UBR3: variants seen among roughly 807,000 people sequenced by gnomAD.
The protein encoded by UBR3 is ubiquitin protein ligase E3 component n-recognin 3, also known as E3 ubiquitin-protein ligase UBR3.
A neutral mutation model predicts 243.2 loss-of-function variants in UBR3; 85 were observed. That is an observed-to-expected ratio of 0.35 (90% CI 0.29 to 0.42). UBR3 has a LOEUF of 0.42. Ranked by LOEUF, UBR3 falls within the 10% of genes least tolerant of loss-of-function variation. The pLI, the probability that UBR3 is intolerant of heterozygous loss-of-function variation, is 1.00. For missense variants in UBR3, 1,686 were observed against 2,300.8 expected (o/e 0.73, Z 5.47); for synonymous variants, 748 against 799.8 (o/e 0.94, Z 1.09).
At chr2:169,953,491 CTTTAACCCAGGAG>C (rs1399450132) in intron 23 of UBR3, among the ~76,000 whole-genome samples, 1 of 152,212 alleles carries the variant, frequency 6.6e-6, no homozygotes, top group Non-Finnish European at 1.5e-5. Context: ...GCTTCAATGT[CTTTAACCCAGGAG>C]TTAATGGAAA....
intron 36 of UBR3, among the ~76,000 whole-genome samples, chr2:170,075,157 G>T: frequency 6.6e-6 from 1 of 151,710 alleles, no homozygotes. Context: ...TCCATTTTTT[G>T]CTGAAATCCT....
At chr2:170,047,673 G>A (rs1441646371) in intron 32 of UBR3, among the ~76,000 whole-genome samples, 2 of 152,200 alleles carry the variant, frequency 1.3e-5, no homozygotes, top group South Asian at 2.1e-4. Context: ...TGCACTTTCT[G>A]TGGTTTTTGT....
intron 31 of UBR3, among the ~76,000 whole-genome samples, chr2:170,036,568 G>A (rs891748408): frequency 4.6e-5 from 7 of 151,980 alleles, no homozygotes; most frequent in African/African-American, 1.7e-4. Context: ...GATTAAAAAT[G>A]GGATCCTAAA....
intron 30 of UBR3, among the ~76,000 whole-genome samples, chr2:170,026,241 AAT>A (rs1329914288): frequency 1.3e-5 from 2 of 152,032 alleles, no homozygotes; most frequent in East Asian, 3.9e-4. Context: ...AATATATGTT[AAT>A]ATGTGTTTGT....
chr2:169,845,516 G>A (rs1252337109), intron 1 of UBR3, among the ~76,000 whole-genome samples: 2 of 145,720 alleles, frequency 1.4e-5, no homozygotes, highest in East Asian at 2.0e-4. Flanking sequence ...CGTCGTCGTC[G>A]TCGTCGTCGT....
chr2:169,828,445 T>A (rs2081817903), intron 1 of UBR3, among the ~76,000 whole-genome samples: 1 of 151,894 alleles, frequency 6.6e-6, no homozygotes, highest in Non-Finnish European at 1.5e-5. Context: ...AGACTTAGGT[T>A]GTGATTTGGA....
In UBR3 at chr2:169,858,712, G is replaced by A. The variant is rs151133025; in HGVS notation, c.546-13524G>A. Among the ~76,000 whole-genome samples, 81 of 152,128 alleles carry A rather than the reference G, an allele frequency of 5.3e-4. No homozygotes were observed. In the East Asian group the frequency reaches 0.013, roughly 24 times the overall value. On this transcript the variant is annotated intron_variant, in intron 1 of 38. Coordinates refer to ENST00000272793, the MANE Select transcript of UBR3 (RefSeq NM_172070.4). ...CCTCCCAGCTTCAAGCGATTCTCCC[G>A]CCTTAGCCTCCTGAGTAGCTGGGAT...
At chr2:170,014,916 T>C (rs1017872226) in intron 29 of UBR3, 3 of 160,498 alleles carry the variant, frequency 1.9e-5, no homozygotes, top group Non-Finnish European at 2.7e-5. Flanking sequence ...GTGGCTGACG[T>C]TGGAGTAAAA....
intron 1 of UBR3, among the ~76,000 whole-genome samples, chr2:169,857,816 A>G (rs939664868): frequency 7.2e-5 from 11 of 152,076 alleles, no homozygotes; most frequent in African/African-American, 2.7e-4. Flanking sequence ...TCATGGCTCA[A>G]TGCAGCGTTG....
chr2:169,945,002 C>T (rs978085451), intron 20 of UBR3, among the ~76,000 whole-genome samples: 1 of 152,116 alleles, frequency 6.6e-6, no homozygotes, highest in Non-Finnish European at 1.5e-5. Context: ...TGCCTCTGCT[C>T]CTCACATCAT....
intron 1 of UBR3, among the ~76,000 whole-genome samples, chr2:169,848,821 A>G (rs1241022901): frequency 4.7e-5 from 7 of 150,024 alleles, no homozygotes; most frequent in Non-Finnish European, 7.4e-5. Flanking sequence ...TCCTGTTTCA[A>G]CCTCCTGAGT....
At chr2:170,039,721 G>A (rs1029241414) in intron 31 of UBR3, among the ~76,000 whole-genome samples, 1 of 152,094 alleles carries the variant, frequency 6.6e-6, no homozygotes, top group Non-Finnish European at 1.5e-5. Flanking sequence ...CACTTCTGGA[G>A]CTTAAGATTT....
intron 26 of UBR3, among the ~76,000 whole-genome samples, chr2:169,996,995 G>A (rs1047336197): frequency 2.6e-5 from 4 of 151,596 alleles, no homozygotes; most frequent in African/African-American, 7.3e-5. Flanking sequence ...CACCATGCCC[G>A]GCCTGCTTTG....
chr2:169,827,691 G>C lies in UBR3; in HGVS notation c.184G>C (p.Glu62Gln). Reference sequence around the variant, plus strand: ...GCTGCTGGAGCGGGTGCTGAGCGCCGAGCGGCCGCTGGCCGCGGCTGCCGG... The same window carrying C: ...GCTGCTGGAGCGGGTGCTGAGCGCCCAGCGGCCGCTGGCCGCGGCTGCCGG... The part of the protein sequence containing the change: ...QALLERVLSA[E>Q]RPLAAAAGGE... The change falls in exon 1 of 39, where the codon GAG (glutamate) becomes CAG (glutamine). Residue 62 changes from glutamate to glutamine, a missense_variant. Physicochemically the swap from Glu to Gln is conservative, Grantham distance 29. This residue lies in a region of UBR3 where 145 missense variants were observed against 243.8 expected (regional missense o/e 0.59). Coordinates refer to ENST00000272793, the MANE Select transcript of UBR3 (RefSeq NM_172070.4). The C allele has an allele frequency of 8.3e-7, 1 of 1,210,810 alleles. No homozygotes were observed. Among genetic ancestry groups the C allele is most frequent in the Non-Finnish European group, 1.0e-6 (1 of 977,874 alleles). The allele number at this position is 1,210,810 out of a possible 1,614,324, so 75.0% of individuals were successfully genotyped here. A position where few individuals can be genotyped will look rare whatever the true frequency, so the allele number is the denominator to read the frequency against.
intron 32 of UBR3, among the ~76,000 whole-genome samples, chr2:170,045,489 C>G (rs1421264667): frequency 6.6e-6 from 1 of 152,068 alleles, no homozygotes; most frequent in Non-Finnish European, 1.5e-5. Flanking sequence ...TACAGACTCC[C>G]AAGATTCTAT....
chr2:169,910,528 C>T (rs975940110), intron 10 of UBR3, among the ~76,000 whole-genome samples: 4 of 152,054 alleles, frequency 2.6e-5, no homozygotes, highest in Non-Finnish European at 5.9e-5. Flanking sequence ...GCTAGAATTA[C>T]AATGCAGTAT....
At chr2:169,993,210 A>G (rs1256466066) in intron 25 of UBR3, among the ~76,000 whole-genome samples, 2 of 152,242 alleles carry the variant, frequency 1.3e-5, no homozygotes, top group South Asian at 2.1e-4. Flanking sequence ...AAAATTGTAC[A>G]TATTTATGGG....
At position 169,875,803 on chromosome 2, in the gene UBR3, C is replaced by CA; in HGVS notation, c.699dup (p.Ser234IlefsTer6). On this transcript the variant is annotated frameshift_variant, in exon 3 of 39. Transcript: ENST00000272793. LOFTEE classifies it high-confidence loss of function. ...TTTTTTCTTTTAGCAGCTGATGGAC[C>CA]ATCAGAAAAGGACCTTAACAAAGTC... 6.6e-7 allele frequency: 1 copy of CA among 1,522,952 alleles called. No homozygotes were observed. Among genetic ancestry groups the CA allele is most frequent in the South Asian group, 1.3e-5 (1 of 77,624 alleles). The allele number at this position is 1,522,952 out of a possible 1,614,324, so 94.3% of individuals were successfully genotyped here. A position where few individuals can be genotyped will look rare whatever the true frequency, so the allele number is the denominator to read the frequency against.
At chr2:169,878,284 C>G (rs1208117452) in intron 4 of UBR3, among the ~76,000 whole-genome samples, 1 of 151,248 alleles carries the variant, frequency 6.6e-6, no homozygotes, top group Non-Finnish European at 1.5e-5. Flanking sequence ...TTGCTTGAAT[C>G]TGAGAAGTGG....
Sources: allele counts gnomAD v4.1 joint callset (sites outside exome capture counted in the v4.1 genomes callset), GRCh38; gene constraint gnomAD v4.1.1; regional missense constraint gnomAD v4.1.1; transcripts MANE v1.5; gene names NCBI Gene and HGNC (gene_info 2026-07-23, HGNC 2026-07-21).